MEF2D: variants seen among roughly 807,000 people sequenced by gnomAD.
The protein encoded by MEF2D is myocyte-specific enhancer factor 2D.
In MEF2D, 10 loss-of-function variants were observed where a neutral mutation model predicts 59.3. That is an observed-to-expected ratio of 0.17 (90% CI 0.10 to 0.29). The LOEUF is 0.29. MEF2D is among the 10% of genes least tolerant of loss of function. The pLI is 1.00. For synonymous variants in MEF2D, 305 were observed against 295.0 expected, an observed-to-expected ratio of 1.03 and a Z score of -0.35; for missense variants, 508 against 699.4, an observed-to-expected ratio of 0.73 and a Z score of 3.09.
intron 7 of MEF2D, 102 bp from the exon 8 acceptor site, chr1:156,476,616 G>A (rs1026097380): frequency 1.4e-6 from 2 of 1,446,830 alleles, no homozygotes; most frequent in East Asian, 4.8e-5. Flanking sequence ...CTGCATAAGA[G>A]TAGGGTGGCT....
chr1:156,486,867 T>G (rs1672404928), intron 1 of MEF2D, among the ~76,000 whole-genome samples: 1 of 152,206 alleles, frequency 6.6e-6, no homozygotes, highest in Non-Finnish European at 1.5e-5. Context: ...TGTGGTGCTG[T>G]GAGAAGTCCT....
At chr1:156,482,033 G>A (rs1236775299) in intron 3 of MEF2D, among the ~76,000 whole-genome samples, 1 of 152,236 alleles carries the variant, frequency 6.6e-6, no homozygotes, top group African/African-American at 2.4e-5. Context: ...AGGAGAGATG[G>A]AAACAAAGAG....
At chr1:156,482,208 G>A (rs1219725536) in intron 3 of MEF2D, among the ~76,000 whole-genome samples, 1 of 152,242 alleles carries the variant, frequency 6.6e-6, no homozygotes, top group Non-Finnish European at 1.5e-5. Context: ...GTGTGGGCTG[G>A]CAGCCTGGCA....
At chr1:156,494,415 G>T (rs935268589) in intron 1 of MEF2D, among the ~76,000 whole-genome samples, 1 of 152,172 alleles carries the variant, frequency 6.6e-6, no homozygotes, top group African/African-American at 2.4e-5. Flanking sequence ...CAGCCAGAGG[G>T]ATCTGGCAAG....
At chr1:156,480,499 T>A in intron 4 of MEF2D, 1 of 821,716 alleles carries the variant, frequency 1.2e-6, no homozygotes, top group Non-Finnish European at 1.8e-6. Flanking sequence ...TGCGGGTTTA[T>A]CATGACCAAG....
chr1:156,494,020 G>A (rs1557897079), intron 1 of MEF2D, among the ~76,000 whole-genome samples: 1 of 152,136 alleles, frequency 6.6e-6, no homozygotes, highest in Non-Finnish European at 1.5e-5. Context: ...GGTGGTGGCT[G>A]GAGGAAAGGG....
At chr1:156,498,614 C>T (rs902923890) in intron 1 of MEF2D, among the ~76,000 whole-genome samples, 2 of 145,392 alleles carry the variant, frequency 1.4e-5, no homozygotes, top group Admixed American at 6.8e-5. Context: ...TCCCCCCCTT[C>T]CCCCCAGAGA....
At position 156,468,917 on chromosome 1, in the gene MEF2D, G is replaced by A; in HGVS notation, c.1110C>T (p.Pro370=). The A allele has an allele frequency of 6.2e-7, 1 of 1,613,450 alleles. No individual in the cohort carries two copies. ...NVTAWQQPQQ[P]QQPQQPQPPQ... ...GAGGCTGTGGCTGCTGCGGCTGCTG[G>A]GGCTGCTGTGGCTGTTGCCAGGCAG... Residue 370 remains proline (P), a synonymous_variant, in exon 10 of 12, where the codon CCC becomes CCT. Transcript: ENST00000348159. The surrounding 1 kb of genome is among the most constrained non-coding windows in gnomAD (Gnocchi z 4.3).
At chr1:156,484,154 G>A (rs1672196410) in intron 1 of MEF2D, 1 of 152,368 alleles carries the variant, frequency 6.6e-6, no homozygotes, top group Admixed American at 6.5e-5. Flanking sequence ...CAAGGAGTTC[G>A]ATCTGTAACT....
At position 156,464,986 on chromosome 1, in the gene MEF2D, CATTT is replaced by C. The variant is rs1265329579; in HGVS notation, c.*2655_*2658del. On this transcript the variant is annotated 3_prime_UTR_variant, in exon 12 of 12. Coordinates refer to ENST00000348159, the MANE Select transcript of MEF2D (RefSeq NM_005920.4). Reference sequence around the variant, plus strand: ...ATCATTCAACTATTCACCCATTCAGCATTTATTGAGTGCCTACTATGTGCCAGGC... The same window carrying C: ...ATCATTCAACTATTCACCCATTCAGCATTGAGTGCCTACTATGTGCCAGGC... 6 of 152,280 alleles carry C rather than the reference CATTT, an allele frequency of 3.9e-5. No homozygotes were observed. The highest frequency in any genetic ancestry group is 1.4e-4 in the African/African-American group (6 of 41,450). The allele number at this position is 152,280 out of a possible 1,614,324, so 9.4% of individuals were successfully genotyped here. A position where few individuals can be genotyped will look rare whatever the true frequency, so the allele number is the denominator to read the frequency against.
intron 6 of MEF2D, among the ~76,000 whole-genome samples, chr1:156,477,964 C>T (rs945682045): frequency 1.3e-5 from 2 of 152,252 alleles, no homozygotes; most frequent in African/African-American, 4.8e-5. Flanking sequence ...ATTTAATCCT[C>T]ACATTAACTC....
intron 1 of MEF2D, among the ~76,000 whole-genome samples, chr1:156,497,840 T>C (rs1201342618): frequency 2.0e-5 from 3 of 151,262 alleles, no homozygotes; most frequent in South Asian, 4.2e-4. Flanking sequence ...GAAGAGAAAG[T>C]TGACAAAATG....
intron 9 of MEF2D, among the ~76,000 whole-genome samples, chr1:156,471,993 C>CT (rs1671262675): frequency 1.3e-5 from 2 of 152,216 alleles, no homozygotes; most frequent in African/African-American, 2.4e-5. Context: ...AGATGAGAAT[C>CT]TTTAAGTCTA....
chr1:156,471,293 G>A (rs770533771), intron 9 of MEF2D, among the ~76,000 whole-genome samples: 3 of 152,146 alleles, frequency 2.0e-5, no homozygotes, highest in Non-Finnish European at 2.9e-5. Flanking sequence ...ATCACGCCCA[G>A]CTAATTTTTG....
chr1:156,476,992 T>TG lies in MEF2D; in HGVS notation c.855+19dup, dbSNP rs1266503199. Reference sequence around the variant, plus strand: ...TCTTCCATTCCCCAGCCCCCACCCTTGGCCCAGACACCCACTTACCAAGTG... The same window carrying TG: ...TCTTCCATTCCCCAGCCCCCACCCTTGGGCCCAGACACCCACTTACCAAGTG... On this transcript the variant is annotated intron_variant, in intron 7 of 11. Coordinates refer to ENST00000348159, the MANE Select transcript of MEF2D (RefSeq NM_005920.4). The TG allele has an allele frequency of 1.9e-6, 3 of 1,613,270 alleles. No homozygotes were observed. Among genetic ancestry groups the TG allele is most frequent in the Admixed American group, 1.7e-5 (1 of 59,990 alleles).
intron 1 of MEF2D, among the ~76,000 whole-genome samples, chr1:156,498,714 G>A (rs976143032): frequency 1.3e-5 from 2 of 152,004 alleles, no homozygotes; most frequent in African/African-American, 4.8e-5. Flanking sequence ...GCGGGGGCAG[G>A]GGAGTTACAA....
chr1:156,484,151 T>C (rs886412108), intron 1 of MEF2D: 2 of 152,172 alleles, frequency 1.3e-5, no homozygotes, highest in Non-Finnish European at 2.9e-5. Context: ...GAACAAGGAG[T>C]TCGATCTGTA....
chr1:156,500,038 C>G (rs1277531466), intron 1 of MEF2D, among the ~76,000 whole-genome samples: 1 of 152,070 alleles, frequency 6.6e-6, no homozygotes, highest in African/African-American at 2.4e-5. Context: ...CCATTTCGGG[C>G]CAAGGAGGAG....
At chr1:156,479,546 C>A (rs1252394691) in intron 5 of MEF2D, 40 bp downstream of exon 5, 2 of 1,547,144 alleles carry the variant, frequency 1.3e-6, no homozygotes, top group Admixed American at 3.9e-5. Flanking sequence ...CCCATCACAT[C>A]TCATTTCCAC....
Sources: gnomAD v4.1 joint callset for allele counts (sites outside exome capture counted in the v4.1 genomes callset) on GRCh38, gnomAD v4.1.1 for gene constraint, Gnocchi (gnomAD v3.1) non-coding constraint, MANE v1.5 for transcripts, NCBI Gene and HGNC (gene_info 2026-07-23, HGNC 2026-07-21) for gene names.